WDFY1: variants seen among roughly 807,000 people sequenced by gnomAD.
The protein encoded by WDFY1 is WD repeat and FYVE domain-containing protein 1.
A neutral mutation model predicts 56.4 loss-of-function variants in WDFY1; 32 were observed. The ratio of observed to expected loss-of-function variants is 0.57; its 90% CI spans 0.43 to 0.76. The LOEUF (loss-of-function observed/expected upper bound fraction) is 0.76. Ranked by LOEUF, WDFY1 falls within the 30% of genes least tolerant of loss-of-function variation. The pLI is 0.00. For missense variants in WDFY1, 480 were observed against 545.7 expected (o/e 0.88, Z 1.20); for synonymous variants, 192 against 197.3 (o/e 0.97, Z 0.23).
At chr2:223,897,376 A>AT (rs1210338023) in intron 6 of WDFY1, among the ~76,000 whole-genome samples, 43 of 10,576 alleles carry the variant, frequency 4.1e-3, no homozygotes, top group African/African-American at 3.1e-3. Flanking sequence ...ATATATATAT[A>AT]TATATATATA....
chr2:223,940,910 C>T (rs1689293357), intron 1 of WDFY1, among the ~76,000 whole-genome samples: 1 of 152,144 alleles, frequency 6.6e-6, no homozygotes, highest in South Asian at 2.1e-4. Context: ...TCAACCTCTG[C>T]TTCCTGGGTT....
intron 1 of WDFY1, among the ~76,000 whole-genome samples, chr2:223,933,892 G>A (rs1694123279): frequency 1.4e-5 from 2 of 147,708 alleles, no homozygotes; most frequent in African/African-American, 5.0e-5. Context: ...AGCCCAGGAG[G>A]TGGAGGCTAC....
rs34317110 is a variant in WDFY1, at chr2:223,886,729, T to TA, written c.832-1981dup. ...TAGGCGACAAGAGTGAAACTCCGTC[T>TA]AAAAAAAAAAAAAAAAAAAAGCCTG... On this transcript the variant is annotated intron_variant, in intron 8 of 11. Transcript: ENST00000233055. Among the ~76,000 whole-genome samples, 74 of 95,626 alleles carry TA rather than the reference T, an allele frequency of 7.7e-4. 4 individuals are homozygous for TA. The highest frequency in any genetic ancestry group is 5.9e-3 in the East Asian group (19 of 3,212). 62.7% of individuals were successfully genotyped at this position (95,626 alleles called of 152,430 possible).
intron 1 of WDFY1, among the ~76,000 whole-genome samples, chr2:223,942,793 C>T (rs939608720): frequency 6.9e-6 from 1 of 144,834 alleles, no homozygotes; most frequent in Non-Finnish European, 1.5e-5. Flanking sequence ...CCTCGGCCTC[C>T]CAAAGTGCTG....
intron 1 of WDFY1, among the ~76,000 whole-genome samples, chr2:223,919,216 ATTAT>A (rs1190471984): frequency 1.3e-5 from 2 of 151,928 alleles, no homozygotes; most frequent in African/African-American, 4.8e-5. Context: ...TTTCTCATTC[ATTAT>A]TTATTTATGG....
intron 3 of WDFY1, among the ~76,000 whole-genome samples, chr2:223,910,661 C>T (rs1340688442): frequency 6.6e-6 from 1 of 152,068 alleles, no homozygotes; most frequent in Non-Finnish European, 1.5e-5. Context: ...CTCAACATCA[C>T]TAGTCATTAG....
intron 1 of WDFY1, among the ~76,000 whole-genome samples, chr2:223,931,779 G>A (rs1476714527): frequency 3.3e-5 from 5 of 150,856 alleles, no homozygotes; most frequent in South Asian, 2.1e-4. Context: ...TCTGCCTCCC[G>A]GGTTCAAGCA....
At position 223,878,582 on chromosome 2, in the gene WDFY1, T is replaced by C; in HGVS notation, c.*89A>G. Reference sequence around the variant, plus strand: ...TTTGTTTGTAAGTGGCTACTGTCCATTCACGAGACAGCGCTGTGGAGCTGC... The same window carrying C: ...TTTGTTTGTAAGTGGCTACTGTCCACTCACGAGACAGCGCTGTGGAGCTGC... On this transcript the variant is annotated 3_prime_UTR_variant, in exon 12 of 12. Coordinates refer to ENST00000233055, the MANE Select transcript of WDFY1 (RefSeq NM_020830.5). The C allele has an allele frequency of 1.0e-6, 1 of 984,272 alleles. No individual in the cohort carries two copies. The highest frequency in any genetic ancestry group is 1.6e-6 in the Non-Finnish European group (1 of 633,754). The allele number at this position is 984,272 out of a possible 1,614,324, so 61.0% of individuals were successfully genotyped here.
At chr2:223,909,986 A>G (rs1693666049) in intron 3 of WDFY1, among the ~76,000 whole-genome samples, 1 of 152,146 alleles carries the variant, frequency 6.6e-6, no homozygotes. Context: ...CCAGACCTAC[A>G]AGACCTTGCA....
In WDFY1 at chr2:223,941,340, A is replaced by G. The variant is rs373750487; in HGVS notation, c.137+3808T>C. On this transcript the variant is annotated intron_variant, in intron 1 of 11. Coordinates refer to ENST00000233055, the MANE Select transcript of WDFY1 (RefSeq NM_020830.5). ...CTAGCTCTCAGTCTTCTCTGTTGCT[A>G]TTGTCACTGCCCACCTTTTGCTCTG... Among the ~76,000 whole-genome samples, 13 of 152,040 alleles carry G rather than the reference A, an allele frequency of 8.6e-5. No individual in the cohort carries two copies. The East Asian group carries it at 1.5e-3, about 18-fold the overall frequency.
At chr2:223,925,368 T>C (rs1693962010) in intron 1 of WDFY1, among the ~76,000 whole-genome samples, 1 of 152,222 alleles carries the variant, frequency 6.6e-6, no homozygotes. Flanking sequence ...GTCTGTTAAG[T>C]GTGCAGTAGC....
At chr2:223,930,999 T>A (rs1443365811) in intron 1 of WDFY1, among the ~76,000 whole-genome samples, 1 of 152,246 alleles carries the variant, frequency 6.6e-6, no homozygotes, top group Non-Finnish European at 1.5e-5. Flanking sequence ...TTTAAGCCAC[T>A]GAGTTTTGAG....
At chr2:223,919,256 G>T (rs1386813162) in intron 1 of WDFY1, among the ~76,000 whole-genome samples, 2 of 152,204 alleles carry the variant, frequency 1.3e-5, no homozygotes, top group Non-Finnish European at 2.9e-5. Context: ...TGTCACCCAG[G>T]TTGGAGCGCA....
chr2:223,901,130 A>C, intron 5 of WDFY1, 53 bp downstream of exon 5: 2 of 1,570,124 alleles, frequency 1.3e-6, no homozygotes, highest in Non-Finnish European at 1.7e-6. Context: ...TCAGAACCAA[A>C]CACTGAGAAG....
intron 1 of WDFY1, among the ~76,000 whole-genome samples, chr2:223,929,315 G>C (rs1386790068): frequency 6.6e-6 from 1 of 151,746 alleles, no homozygotes; most frequent in African/African-American, 2.4e-5. Context: ...AGCCCCGCTA[G>C]TAGCTGGGAT....
At position 223,876,337 on chromosome 2, in the gene WDFY1, A is replaced by G. The variant is rs1692970630; in HGVS notation, c.*2334T>C. Reference sequence around the variant, plus strand: ...CAGTCAAAATAAGGCAATAACCATCAGCCTATCTGTACTTTTCTTCTGTGC... The same window carrying G: ...CAGTCAAAATAAGGCAATAACCATCGGCCTATCTGTACTTTTCTTCTGTGC... On this transcript the variant is annotated 3_prime_UTR_variant, in exon 12 of 12. Coordinates refer to ENST00000233055, the MANE Select transcript of WDFY1 (RefSeq NM_020830.5). 6.6e-6 allele frequency: 1 copy of G among 152,620 alleles called. No individual in the cohort carries two copies. The highest frequency in any genetic ancestry group is 2.1e-4 in the South Asian group (1 of 4,832). 9.5% of individuals were successfully genotyped at this position (152,620 alleles called of 1,614,324 possible).
At chr2:223,926,444 T>A (rs944025823) in intron 1 of WDFY1, among the ~76,000 whole-genome samples, 2 of 152,128 alleles carry the variant, frequency 1.3e-5, no homozygotes, top group Non-Finnish European at 2.9e-5. Context: ...GTGTATTTTT[T>A]AAATCACAAA....
At chr2:223,939,466 A>G (rs1357554185) in intron 1 of WDFY1, among the ~76,000 whole-genome samples, 2 of 152,214 alleles carry the variant, frequency 1.3e-5, no homozygotes, top group East Asian at 1.9e-4. Flanking sequence ...CCGTTTTCAC[A>G]CTGCTGATAA....
At chr2:223,907,350 A>G (rs1306928875) in intron 3 of WDFY1, among the ~76,000 whole-genome samples, 1 of 152,094 alleles carries the variant, frequency 6.6e-6, no homozygotes, top group Non-Finnish European at 1.5e-5. Flanking sequence ...GTGAGGGGGG[A>G]AAAAAGCACA....
Sources: allele counts gnomAD v4.1 joint callset (sites outside exome capture counted in the v4.1 genomes callset), GRCh38; gene constraint gnomAD v4.1.1; transcripts MANE v1.5; gene names NCBI Gene and HGNC (gene_info 2026-07-23, HGNC 2026-07-21).